SLC12A7: variants seen among roughly 807,000 people sequenced by gnomAD.
The protein encoded by SLC12A7 is solute carrier family 12 member 7.
A neutral mutation model predicts 120.6 loss-of-function variants in SLC12A7; 100 were observed. The observed-to-expected ratio is 0.83, with a 90% CI of 0.71 to 0.98. SLC12A7 has a LOEUF of 0.98. Ranked by LOEUF, SLC12A7 falls within the 50% of genes least tolerant of loss-of-function variation. The pLI, the probability that SLC12A7 is intolerant of heterozygous loss-of-function variation, is 0.00. For missense variants in SLC12A7, 1,373 were observed against 1,548.1 expected, an observed-to-expected ratio of 0.89 and a Z score of 1.90; for synonymous variants, 760 against 678.0, an observed-to-expected ratio of 1.12 and a Z score of -1.88.
intron 1 of SLC12A7, among the ~76,000 whole-genome samples, chr5:1,101,519 C>T (rs570485787): frequency 9.2e-5 from 14 of 152,366 alleles, no homozygotes; most frequent in African/African-American, 2.4e-4. Context: ...GAACCAGCAA[C>T]ACCAGGCTGA....
upstream of SLC12A7, among the ~76,000 whole-genome samples, chr5:1,112,345 T>A (rs377035912): frequency 2.4e-5 from 1 of 41,142 alleles, no homozygotes; most frequent in African/African-American, 1.7e-4. Context: ...CTCCCCGCCC[T>A]CCCCGGCCCC....
chr5:1,104,875 G>A lies in SLC12A7; in HGVS notation c.124+6993C>T, dbSNP rs571112434. On this transcript the variant is annotated intron_variant, in intron 1 of 23. Transcript: ENST00000264930. ...GGGGCCCACGTCACAGCCCAGGGCC[G>A]CAAGCACCACTCGGACCCCGAGACC... 1.3e-4 allele frequency among the ~76,000 whole-genome samples: 20 copies of A among 152,342 alleles called. No homozygotes were observed. The South Asian group carries it at 3.9e-3, about 30-fold the overall frequency.
intron 1 of SLC12A7, among the ~76,000 whole-genome samples, chr5:1,096,842 G>A (rs1470533471): frequency 1.4e-5 from 1 of 72,118 alleles, no homozygotes; most frequent in South Asian, 7.9e-4. Context: ...AGGAGGGAGG[G>A]AGGGAAGGAG....
intron 1 of SLC12A7, among the ~76,000 whole-genome samples, chr5:1,103,798 C>T (rs1742241281): frequency 6.6e-6 from 1 of 152,284 alleles, no homozygotes; most frequent in African/African-American, 2.4e-5. Context: ...AAGGACACGC[C>T]TGCTCGCGGG....
chr5:1,096,818 A>AGGG (rs1254420246), intron 1 of SLC12A7, among the ~76,000 whole-genome samples: 1 of 37,318 alleles, frequency 2.7e-5, no homozygotes, highest in Non-Finnish European at 5.4e-5. Flanking sequence ...GGAAGGAGGG[A>AGGG]AGGGAGGGAA....
intron 21 of SLC12A7, among the ~76,000 whole-genome samples, chr5:1,059,817 G>T (rs552312039): frequency 7.0e-6 from 1 of 142,686 alleles, no homozygotes; most frequent in African/African-American, 2.6e-5. Flanking sequence ...CTCCCTCCCT[G>T]CACACTCACT....
the SLC12A7 span, among the ~76,000 whole-genome samples, chr5:1,144,419 G>T: frequency 6.6e-6 from 1 of 152,212 alleles, no homozygotes; most frequent in Admixed American, 6.5e-5. Flanking sequence ...TAAACCAGTT[G>T]CTCCCAGGCC....
chr5:1,075,492 TG>T lies in SLC12A7; in HGVS notation c.1848-3del. The T allele has an allele frequency of 6.2e-7, 1 of 1,609,126 alleles. No individual in the cohort carries two copies. The highest frequency in any genetic ancestry group is 8.5e-7 in the Non-Finnish European group (1 of 1,177,074). On this transcript the variant is annotated splice_polypyrimidine_tract_variant and splice_region_variant and intron_variant, in intron 14 of 23. Transcript: ENST00000264930. Reference sequence around the variant, plus strand: ...CTCATACCCAGAAAGGACAGGGTCCTGGGGGCGGGGCAAGTGGCTCGGGGCG... The same window carrying T: ...CTCATACCCAGAAAGGACAGGGTCCTGGGGCGGGGCAAGTGGCTCGGGGCG...
At chr5:1,085,055 C>T (rs1384484099) in intron 7 of SLC12A7, among the ~76,000 whole-genome samples, 177 bp downstream of exon 7, 1 of 152,238 alleles carries the variant, frequency 6.6e-6, no homozygotes, top group Non-Finnish European at 1.5e-5. Context: ...GCCCACCTCA[C>T]CGTTGGGTTT....
the SLC12A7 span, among the ~76,000 whole-genome samples, chr5:1,148,917 A>G: frequency 3.9e-5 from 6 of 152,198 alleles, no homozygotes; most frequent in Admixed American, 3.3e-4. Context: ...GGAGTGATGT[A>G]TTGGGGCCTG....
In SLC12A7 at chr5:1,111,923, C is replaced by T; in HGVS notation, c.69G>A (p.Glu23=). ...CGGGGGTGCCCGGAGCCTCCGTCCG[C>T]TCGGCAGTCTCGTCCCCGCCGCCGT... is the stretch of plus-strand genomic sequence containing the variant. ...HADGGGDETA[E]RTEAPGTPEG... is the part of the protein sequence containing the mutation. Residue 23 remains glutamate (E), a synonymous_variant, in exon 1 of 24, where the codon GAG becomes GAA. Coordinates refer to ENST00000264930, the MANE Select transcript of SLC12A7 (RefSeq NM_006598.3). 1.6e-6 allele frequency: 2 copies of T among 1,275,068 alleles called. No individual in the cohort carries two copies. The highest frequency in any genetic ancestry group is 6.4e-5 in the East Asian group (2 of 31,450). 79.0% of individuals were successfully genotyped at this position (1,275,068 alleles called of 1,614,324 possible). A position where few individuals can be genotyped will look rare whatever the true frequency, so the allele number is the denominator to read the frequency against.
chr5:1,111,491 C>A (rs1390470485), intron 1 of SLC12A7, among the ~76,000 whole-genome samples: 1 of 152,130 alleles, frequency 6.6e-6, no homozygotes, highest in Non-Finnish European at 1.5e-5. Context: ...ACGCAGGACG[C>A]CCCGGCTCCC....
intron 17 of SLC12A7, among the ~76,000 whole-genome samples, chr5:1,068,808 G>A (rs1040409554): frequency 6.6e-6 from 1 of 152,278 alleles, no homozygotes; most frequent in South Asian, 2.1e-4. Context: ...CGTGAAGACT[G>A]TGGCAGAGCG....
At chr5:1,124,904 G>A in the SLC12A7 span, among the ~76,000 whole-genome samples, 15 of 152,166 alleles carry the variant, frequency 9.9e-5, no homozygotes, top group African/African-American at 1.9e-4. Flanking sequence ...ATGACGCCCC[G>A]CTTCAGCAAA....
the SLC12A7 span, among the ~76,000 whole-genome samples, chr5:1,125,690 C>T: frequency 1.3e-5 from 2 of 152,162 alleles, no homozygotes; most frequent in East Asian, 1.9e-4. Context: ...TTTGGGAGGC[C>T]GAGGCGAGCA....
rs201935620 is a variant in SLC12A7 at position 1,107,048 on chromosome 5, G to GT, written c.124+4819dup. 8.1e-3 allele frequency among the ~76,000 whole-genome samples: 1,239 copies of GT among 152,312 alleles called. 8 individuals carry two copies. The highest frequency in any genetic ancestry group is 0.011 in the Non-Finnish European group (758 of 68,020). On this transcript the variant is annotated intron_variant, in intron 1 of 23. Transcript: ENST00000264930. ...AGTCACTAAGCGTGAGCCGTGAGGG[G>GT]TTCTTCCTTTACCCCCATGTGTAAC...
intron 21 of SLC12A7, among the ~76,000 whole-genome samples, chr5:1,059,119 A>G (rs1561031292): frequency 6.6e-6 from 1 of 152,344 alleles, no homozygotes; most frequent in East Asian, 1.9e-4. Context: ...TGGCCTGGAC[A>G]GAAAACAGAG....
intron 5 of SLC12A7, among the ~76,000 whole-genome samples, chr5:1,087,956 C>T (rs1579397999): frequency 6.6e-6 from 1 of 152,214 alleles, no homozygotes; most frequent in East Asian, 1.9e-4. Context: ...TTTGTCTTCA[C>T]CTTCCCTCGT....
rs138250416 is a variant in SLC12A7, at chr5:1,067,340, G to A, written c.2242-1862C>T. On this transcript the variant is annotated intron_variant, in intron 17 of 23. Coordinates refer to ENST00000264930, the MANE Select transcript of SLC12A7 (RefSeq NM_006598.3). The stretch of plus-strand genomic sequence containing the variant: ...CGGACGCTGCGGGGTGGACACAGCC[G>A]TCTCTGGGCAGGAAGGCACAGGGAA... 6.9e-3 allele frequency among the ~76,000 whole-genome samples: 1,056 copies of A among 152,360 alleles called. 7 individuals carry two copies. Among genetic ancestry groups the A allele is most frequent in the Non-Finnish European group, 0.01 (711 of 68,038 alleles).
Sources: gnomAD v4.1 joint callset for allele counts (sites outside exome capture counted in the v4.1 genomes callset) on GRCh38, gnomAD v4.1.1 for gene constraint, MANE v1.5 for transcripts, NCBI Gene and HGNC (gene_info 2026-07-23, HGNC 2026-07-21) for gene names.